Variants in RANBP2 observed in about 807,000 individuals in gnomAD.
RANBP2 encodes E3 SUMO-protein ligase RanBP2.
RANBP2 carries 57 observed loss-of-function variants against 303.6 expected under a neutral mutation model. The ratio of observed to expected loss-of-function variants is 0.19; its 90% confidence interval spans 0.15 to 0.23. RANBP2 has a LOEUF of 0.23. Ranked by LOEUF, RANBP2 falls within the 10% of genes least tolerant of loss-of-function variation. The pLI, the probability that RANBP2 is intolerant of heterozygous loss-of-function variation, is 1.00. For missense variants in RANBP2, 3,138 were observed against 3,780.8 expected (o/e 0.83, Z 4.46); for synonymous variants, 1,167 against 1,301.5 (o/e 0.90, Z 2.23).
the RANBP2 span, among the ~76,000 whole-genome samples, chr2:109,612,314 G>A: frequency 6.6e-6 from 1 of 152,198 alleles, no homozygotes; most frequent in Non-Finnish European, 1.5e-5. Flanking sequence ...AGGCAGGGCA[G>A]GAAAGAAGTG....
the RANBP2 span, among the ~76,000 whole-genome samples, chr2:109,566,272 C>A: frequency 6.6e-6 from 1 of 151,926 alleles, no homozygotes; most frequent in Non-Finnish European, 1.5e-5. Flanking sequence ...AGTTGCCCAC[C>A]ACAACATCCA....
the RANBP2 span, among the ~76,000 whole-genome samples, chr2:108,850,841 CAGA>C: frequency 0.018 from 2,806 of 152,196 alleles, 72 homozygotes; most frequent in African/African-American, 0.065. Flanking sequence ...ATCATCCACA[CAGA>C]AGAAGACTTC....
chr2:109,410,743 G>A, the RANBP2 span, among the ~76,000 whole-genome samples: 2 of 152,324 alleles, frequency 1.3e-5, no homozygotes, highest in East Asian at 1.9e-4. Context: ...TAAAAAGACC[G>A]TGGTGCAAAC....
the RANBP2 span, among the ~76,000 whole-genome samples, chr2:108,844,704 G>C: frequency 6.6e-6 from 1 of 151,470 alleles, no homozygotes; most frequent in Non-Finnish European, 1.5e-5. Flanking sequence ...GCTATTTTTG[G>C]AGTTTTTTCT....
At chr2:108,772,789 T>C in intron 22 of RANBP2, 79 bp from the exon 23 acceptor site, 1 of 1,464,882 alleles carries the variant, frequency 6.8e-7, no homozygotes, top group Non-Finnish European at 9.4e-7. Context: ...GGTCTGTGGA[T>C]TATGTTGATG....
chr2:109,003,443 T>G, the RANBP2 span, among the ~76,000 whole-genome samples: 1 of 151,550 alleles, frequency 6.6e-6, no homozygotes, highest in Non-Finnish European at 1.5e-5. Context: ...GGAGTTTCTC[T>G]CTTGTTGCCC....
At chr2:109,094,643 A>C in the RANBP2 span, among the ~76,000 whole-genome samples, 398 of 152,326 alleles carry the variant, frequency 2.6e-3, 4 homozygotes, top group Non-Finnish European at 3.3e-3. Flanking sequence ...CAGCCTGGCC[A>C]ACATGACGAA....
the RANBP2 span, among the ~76,000 whole-genome samples, chr2:109,028,898 C>G: frequency 6.6e-6 from 1 of 152,158 alleles, no homozygotes; most frequent in African/African-American, 2.4e-5. Context: ...ATGTGTGAAT[C>G]TGGCTGTCAC....
the RANBP2 span, among the ~76,000 whole-genome samples, chr2:109,067,817 G>T: frequency 6.6e-6 from 1 of 152,052 alleles, no homozygotes; most frequent in Admixed American, 6.6e-5. Flanking sequence ...AATGCTGTGG[G>T]CTCCAGCTTC....
the RANBP2 span, chr2:109,613,000 G>C: frequency 2.1e-6 from 1 of 477,290 alleles, no homozygotes; most frequent in Non-Finnish European, 4.1e-6. Context: ...AAGAGCTTTT[G>C]TTTACACAGA....
At chr2:109,587,952 C>T in the RANBP2 span, among the ~76,000 whole-genome samples, 1 of 151,554 alleles carries the variant, frequency 6.6e-6, no homozygotes, top group Non-Finnish European at 1.5e-5. Flanking sequence ...AAAAATTACC[C>T]GGGCGTGGTG....
chr2:108,755,591 G>T (rs1286268584), intron 17 of RANBP2, among the ~76,000 whole-genome samples: 7 of 149,178 alleles, frequency 4.7e-5, no homozygotes, highest in Non-Finnish European at 7.4e-5. Flanking sequence ...ATGGGATTTT[G>T]CCATGTTGCC....
the RANBP2 span, among the ~76,000 whole-genome samples, chr2:109,250,090 C>CT: frequency 5.4e-3 from 733 of 134,922 alleles, 4 homozygotes; most frequent in African/African-American, 0.011. Flanking sequence ...GTAGGTGTTC[C>CT]TTTTTTTTTT....
At chr2:109,136,097 A>C in the RANBP2 span, among the ~76,000 whole-genome samples, 2 of 152,080 alleles carry the variant, frequency 1.3e-5, no homozygotes, top group Non-Finnish European at 2.9e-5. Flanking sequence ...GGCTTTTGAG[A>C]GCCTGCCTGC....
the RANBP2 span, among the ~76,000 whole-genome samples, chr2:109,587,861 T>C: frequency 1.3e-3 from 200 of 151,218 alleles, no homozygotes; most frequent in African/African-American, 4.7e-3. Context: ...TGCAGTGAGC[T>C]GAGATCGCAC....
the RANBP2 span, among the ~76,000 whole-genome samples, chr2:109,312,251 A>G: frequency 6.6e-6 from 1 of 152,240 alleles, no homozygotes. Context: ...AATGTACCTC[A>G]GAGCTGGGGC....
At chr2:109,432,614 C>A in the RANBP2 span, 1 of 1,613,192 alleles carries the variant, frequency 6.2e-7, no homozygotes, top group South Asian at 1.1e-5. Flanking sequence ...AAGGGGGCGT[C>A]TCTGAGGACC....
chr2:109,023,213 G>A, the RANBP2 span, among the ~76,000 whole-genome samples: 1 of 152,286 alleles, frequency 6.6e-6, no homozygotes, highest in Non-Finnish European at 1.5e-5. Context: ...CTGCAACAGC[G>A]CAGGCTGCGT....
At chr2:109,264,019 A>G in the RANBP2 span, among the ~76,000 whole-genome samples, 1 of 152,134 alleles carries the variant, frequency 6.6e-6, no homozygotes, top group Non-Finnish European at 1.5e-5. Context: ...TGGTCAGGAC[A>G]CTCCAGAAGC....
Sources: gnomAD v4.1 joint callset for allele counts (sites outside exome capture counted in the v4.1 genomes callset) on GRCh38, gnomAD v4.1.1 for gene constraint, MANE v1.5 for transcripts, NCBI Gene and HGNC (gene_info 2026-07-23, HGNC 2026-07-21) for gene names.